Variants in CBLL1 observed in about 807,000 individuals in gnomAD.
The protein encoded by CBLL1 is E3 ubiquitin-protein ligase Hakai.
A neutral mutation model predicts 44.9 loss-of-function variants in CBLL1; 4 were observed. The observed-to-expected ratio is 0.09, with a 90% CI of 0.04 to 0.20. The LOEUF is 0.20. CBLL1 is among the 10% of genes least tolerant of loss of function. The probability of loss-of-function intolerance (pLI) is 1.00; values close to 1 mark genes in which losing one functional copy is unlikely to be tolerated. For missense variants in CBLL1, 569 were observed against 636.7 expected, an observed-to-expected ratio of 0.89 and a Z score of 1.14; for synonymous variants, 235 against 202.2, an observed-to-expected ratio of 1.16 and a Z score of -1.38.
intron 1 of CBLL1, among the ~76,000 whole-genome samples, chr7:107,746,936 C>CT (rs537773142): frequency 7.5e-4 from 114 of 152,196 alleles, no homozygotes; most frequent in African/African-American, 2.4e-3. Context: ...AATCCCCAAT[C>CT]TTTTTTAAAC....
chr7:107,758,420 A>G lies in CBLL1; in HGVS notation c.718A>G (p.Met240Val). Residue 240 changes from methionine (M) to valine (V), a missense_variant, in exon 6 of 6, where the codon ATG becomes GTG. By Grantham distance (21) the Met-to-Val change is conservative (BLOSUM62 1). Around this residue, in one of 5 missense-constraint regions of CBLL1, gnomAD observed 111 missense variants for 113.0 expected, o/e 0.98. Transcript: ENST00000440859. This position sits in a 1 kb window ranked among gnomAD's most constrained non-coding sequence, Gnocchi z 4.2. ...SHIPPKQHIM[M>V]PPPPLQHVPH... The stretch of plus-strand genomic sequence containing the variant: ...TATTCCGCCAAAGCAGCACATCATG[A>G]TGCCACCACCTCCTTTGCAACATGT... 1 of 1,614,164 alleles carries G rather than the reference A, an allele frequency of 6.2e-7. No homozygotes were observed. Among genetic ancestry groups the G allele is most frequent in the Non-Finnish European group, 8.5e-7 (1 of 1,180,018 alleles).
chr7:107,749,101 C>T (rs1793148930), intron 2 of CBLL1, 54 bp downstream of exon 2: 17 of 1,539,160 alleles, frequency 1.1e-5, no homozygotes, highest in Non-Finnish European at 1.2e-5. Flanking sequence ...CTGATTGCTT[C>T]GGACAGTCTG....
intron 2 of CBLL1, chr7:107,752,503 G>T: frequency 8.9e-7 from 1 of 1,128,434 alleles, no homozygotes; most frequent in Non-Finnish European, 1.2e-6. Context: ...TAGTCATGTG[G>T]GTAAAGTTAA....
At position 107,750,082 on chromosome 7, in the gene CBLL1, C is replaced by G. The variant is rs927696531; in HGVS notation, c.181+1035C>G. 3.3e-5 allele frequency among the ~76,000 whole-genome samples: 5 copies of G among 151,852 alleles called. No individual in the cohort carries two copies. In the East Asian group the frequency reaches 9.7e-4, roughly 29 times the overall value. ...ACCTCAGTCTCCTGAGGAGCTGGGA[C>G]TACAGGTGCACCCCACCTGCCTGGC... On this transcript the variant is annotated intron_variant, in intron 2 of 5. Transcript: ENST00000440859.
chr7:107,758,426 C>T lies in CBLL1; in HGVS notation c.724C>T (p.Pro242Ser), dbSNP rs1022092720. The change falls in exon 6 of 6, where the codon CCA (proline) becomes TCA (serine). Residue 242 changes from proline to serine, a missense_variant. This residue lies in a region of CBLL1 where 111 missense variants were observed against 113.0 expected (regional missense o/e 0.98). Coordinates refer to ENST00000440859, the MANE Select transcript of CBLL1 (RefSeq NM_024814.4). This position sits in a 1 kb window ranked among gnomAD's most constrained non-coding sequence, Gnocchi z 4.2. ...IPPKQHIMMP[P>S]PPLQHVPHEH... ...GCCAAAGCAGCACATCATGATGCCA[C>T]CACCTCCTTTGCAACATGTGCCACA... The T allele has an allele frequency of 6.2e-7, 1 of 1,614,060 alleles. No individual in the cohort carries two copies. Among genetic ancestry groups the T allele is most frequent in the African/African-American group, 1.3e-5 (1 of 74,912 alleles).
At chr7:107,752,520 T>TGTG in intron 2 of CBLL1, 1 of 1,271,740 alleles carries the variant, frequency 7.9e-7, no homozygotes, top group Non-Finnish European at 1.0e-6. Flanking sequence ...TTAAAACTTG[T>TGTG]GTGCTTGGCT....
In CBLL1 at chr7:107,748,969, G is replaced by A. The variant is rs1322995812; in HGVS notation, c.103G>A (p.Ala35Thr). 2 of 1,614,104 alleles carry A rather than the reference G, an allele frequency of 1.2e-6. No individual in the cohort carries two copies. The highest frequency in any genetic ancestry group is 2.2e-5 in the South Asian group (2 of 91,066). Residue 35 changes from alanine to threonine, a missense_variant, in exon 2 of 6, where the codon GCA becomes ACA. Around this residue, in one of 5 missense-constraint regions of CBLL1, gnomAD observed 209 missense variants for 202.8 expected, o/e 1.03. Transcript: ENST00000440859. Reference protein sequence around the residue: ...RIPIKLISKQANKAKPAPRTQ... With the variant: ...RIPIKLISKQTNKAKPAPRTQ... ...TCCTATAAAGCTCATCTCCAAACAAGCAAACAAAGCGAAACCTGCACCGCG... is the reference window on the plus strand; with the variant it reads ...TCCTATAAAGCTCATCTCCAAACAAACAAACAAAGCGAAACCTGCACCGCG...
chr7:107,751,929 G>A (rs1291651349), intron 2 of CBLL1, among the ~76,000 whole-genome samples: 1 of 152,056 alleles, frequency 6.6e-6, no homozygotes, highest in Non-Finnish European at 1.5e-5. Context: ...GCCAGGTGTG[G>A]TGGCTCACGC....
chr7:107,758,971 T>A lies in CBLL1; in HGVS notation c.1269T>A (p.His423Gln), dbSNP rs1793655219. ...CTGTAACTGCACCCCCTCCTCACCA[T>A]TATAATCCTAACTCATTACCCCAGT... is the stretch of plus-strand genomic sequence containing the variant. The part of the protein sequence containing the change: ...GPPVTAPPPH[H>Q]YNPNSLPQFT... Residue 423 changes from histidine (H) to glutamine (Q), a missense_variant, in exon 6 of 6, where the codon CAT (histidine) becomes CAA (glutamine). By Grantham distance (24) the His-to-Gln change is conservative (BLOSUM62 0). Around this residue, in one of 5 missense-constraint regions of CBLL1, gnomAD observed 228 missense variants for 253.2 expected, o/e 0.90. Coordinates refer to ENST00000440859, the MANE Select transcript of CBLL1 (RefSeq NM_024814.4). The surrounding 1 kb of genome is among the most constrained non-coding windows in gnomAD (Gnocchi z 4.2). 1.2e-6 allele frequency: 2 copies of A among 1,613,792 alleles called. No homozygotes were observed. Among genetic ancestry groups the A allele is most frequent in the Admixed American group, 1.7e-5 (1 of 59,986 alleles).
At chr7:107,754,041 TTAGA>T (rs1372092836) in intron 4 of CBLL1, 63 bp downstream of exon 4, 1 of 999,096 alleles carries the variant, frequency 1.0e-6, no homozygotes, top group Non-Finnish European at 1.5e-6. Flanking sequence ...GTTCTGAAAT[TTAGA>T]TAGGTTTATC....
At chr7:107,748,792 T>G (rs1395273402) in intron 1 of CBLL1, 88 bp from the exon 2 acceptor site, 2 of 1,058,070 alleles carry the variant, frequency 1.9e-6, no homozygotes, top group Non-Finnish European at 2.7e-6. Context: ...ACCTTGATAA[T>G]GTTAGGTATG....
rs375230713 is a variant in CBLL1, at chr7:107,753,393, A to G, written c.182-18A>G. The G allele has an allele frequency of 3.3e-6, 5 of 1,512,050 alleles. No individual in the cohort carries two copies. The South Asian group carries it at 6.2e-5, about 19-fold the overall frequency. 93.7% of individuals were successfully genotyped at this position (1,512,050 alleles called of 1,614,324 possible). On this transcript the variant is annotated intron_variant, in intron 2 of 5. Coordinates refer to ENST00000440859, the MANE Select transcript of CBLL1 (RefSeq NM_024814.4). Reference sequence around the variant, plus strand: ...TTGAGATTTGGAAAGTTAATGGGCAATACTTTTTTTTTCTCAGAAGGATTT... The same window carrying G: ...TTGAGATTTGGAAAGTTAATGGGCAGTACTTTTTTTTTCTCAGAAGGATTT...
chr7:107,757,384 G>T (rs1294832529), intron 5 of CBLL1, among the ~76,000 whole-genome samples: 1 of 152,128 alleles, frequency 6.6e-6, no homozygotes, highest in East Asian at 1.9e-4. Flanking sequence ...GCCAATACCA[G>T]ATCCCAAGAT....
chr7:107,746,174 C>A (rs1365517171), intron 1 of CBLL1, among the ~76,000 whole-genome samples: 2 of 152,054 alleles, frequency 1.3e-5, no homozygotes, highest in African/African-American at 4.8e-5. Flanking sequence ...TTATTTGAGC[C>A]CACTACTGGA....
chr7:107,753,401 T>A lies in CBLL1; in HGVS notation c.182-10T>A. The stretch of plus-strand genomic sequence containing the variant: ...TGGAAAGTTAATGGGCAATACTTTT[T>A]TTTTCTCAGAAGGATTTGATTATAA... On this transcript the variant is annotated splice_polypyrimidine_tract_variant and intron_variant, in intron 2 of 5. Transcript: ENST00000440859. 6.4e-7 allele frequency: 1 copy of A among 1,552,814 alleles called. No homozygotes were observed. Among genetic ancestry groups the A allele is most frequent in the Non-Finnish European group, 8.7e-7 (1 of 1,149,016 alleles).
chr7:107,759,185 T>C lies in CBLL1; in HGVS notation c.*7T>C. ...TAGACCGTATTACCAATGATAATAG[T>C]ATTTTGAATGGAAGATATGAGGGGG... On this transcript the variant is annotated 3_prime_UTR_variant, in exon 6 of 6. Coordinates refer to ENST00000440859, the MANE Select transcript of CBLL1 (RefSeq NM_024814.4). The C allele has an allele frequency of 6.4e-7, 1 of 1,572,748 alleles. No individual in the cohort carries two copies. The highest frequency in any genetic ancestry group is 8.6e-7 in the Non-Finnish European group (1 of 1,158,736).
chr7:107,746,756 G>C (rs1206995628), intron 1 of CBLL1, among the ~76,000 whole-genome samples: 2 of 152,136 alleles, frequency 1.3e-5, no homozygotes, highest in Admixed American at 6.5e-5. Context: ...GAAAATGAAG[G>C]TGTTCTAATA....
At chr7:107,754,690 ATTAAC>A (rs1480170127) in intron 4 of CBLL1, among the ~76,000 whole-genome samples, 2 of 152,186 alleles carry the variant, frequency 1.3e-5, no homozygotes, top group African/African-American at 4.8e-5. Context: ...TTATTAGTTA[ATTAAC>A]TTGAAACTAC....
intron 2 of CBLL1, among the ~76,000 whole-genome samples, chr7:107,752,080 TC>T (rs1307884699): frequency 6.6e-6 from 1 of 151,384 alleles, no homozygotes; most frequent in Non-Finnish European, 1.5e-5. Context: ...GTGCCTGTAG[TC>T]CCAGCTACTC....
Sources: allele counts gnomAD v4.1 joint callset (sites outside exome capture counted in the v4.1 genomes callset), GRCh38; gene constraint gnomAD v4.1.1; regional missense constraint gnomAD v4.1.1; non-coding constraint Gnocchi (gnomAD v3.1); transcripts MANE v1.5; gene names NCBI Gene and HGNC (gene_info 2026-07-23, HGNC 2026-07-21).